The following ZNF114 variants were observed in gnomAD, a reference collection of about 807,000 sequenced individuals.
ZNF114 encodes the protein zinc finger protein 114 (Y18).
Under a neutral mutation model 6.8 loss-of-function variants are expected in ZNF114, and 8 were observed. The ratio of observed to expected loss-of-function variants is 1.18; its 90% CI spans 0.69 to 2.13. The LOEUF is 2.13. Ranked by LOEUF, ZNF114 falls within the 30% of genes most tolerant of loss-of-function variation. The pLI, the probability that ZNF114 is intolerant of heterozygous loss-of-function variation, is 0.00. For synonymous variants in ZNF114, 169 were observed against 185.5 expected, an observed-to-expected ratio of 0.91 and a Z score of 0.72; for missense variants, 472 against 519.5, an observed-to-expected ratio of 0.91 and a Z score of 0.89.
chr19:48,282,409 C>G lies in ZNF114; in HGVS notation c.48C>G (p.Thr16=). Residue 16 remains threonine, a synonymous_variant, in exon 5 of 6, where the codon ACC becomes ACG. Coordinates refer to ENST00000595607, the MANE Select transcript of ZNF114 (RefSeq NM_153608.4). ...TCGCAGACGTGGCTGTGAACTTCAC[C>G]AAAGAGGAGTGGACCCTGCTGGACC... ...VTFADVAVNF[T]KEEWTLLDPA... 4 of 1,613,438 alleles carry G rather than the reference C, an allele frequency of 2.5e-6. No homozygotes were observed. Among genetic ancestry groups the G allele is most frequent in the Non-Finnish European group, 3.4e-6 (4 of 1,179,694 alleles).
At chr19:48,285,651 A>G (rs1249356274) in intron 5 of ZNF114, 110 bp from the exon 6 acceptor site, 4 of 595,610 alleles carry the variant, frequency 6.7e-6, no homozygotes, top group Non-Finnish European at 7.2e-6. Flanking sequence ...AGGGAGGGAA[A>G]GAAAGAAAGA....
At chr19:48,272,851 T>A (rs1334979006) in intron 3 of ZNF114, among the ~76,000 whole-genome samples, 1 of 139,590 alleles carries the variant, frequency 7.2e-6, no homozygotes, top group Non-Finnish European at 1.5e-5. Flanking sequence ...GCTGGAGCGC[T>A]GTGGCGCGAT....
At chr19:48,282,310 G>T in intron 4 of ZNF114, 61 bp from the exon 5 acceptor site, 1 of 1,599,826 alleles carries the variant, frequency 6.3e-7, no homozygotes, top group Non-Finnish European at 8.5e-7. Context: ...TGGAGAAAGG[G>T]GTCACAGTTC....
intron 3 of ZNF114, among the ~76,000 whole-genome samples, chr19:48,273,570 G>T (rs1967736078): frequency 6.6e-6 from 1 of 151,876 alleles, no homozygotes; most frequent in South Asian, 2.1e-4. Flanking sequence ...TCTTAGGTAG[G>T]CTTACAGCTG....
At chr19:48,285,626 T>C in intron 5 of ZNF114, 135 bp from the exon 6 acceptor site, 1 of 953,214 alleles carries the variant, frequency 1.0e-6, no homozygotes, top group Non-Finnish European at 1.5e-6. Flanking sequence ...AAAGAAAGGA[T>C]GGAAGGAGCG....
Position 48,286,344 on chromosome 19 carries a change from C to T in ZNF114, c.720C>T (p.Asn240=), listed in dbSNP as rs144330817. Residue 240 remains asparagine (N), a synonymous_variant, in exon 6 of 6, where the codon AAC becomes AAT. Transcript: ENST00000595607. ...FREDGSLRAH[N]THGREKMYDF... is the part of the protein sequence containing the mutation. ...AAGACGGATCCCTTAGGGCACACAA[C>T]ACTCATGGTCGAGAGAAAATGTATG... 2 of 1,614,204 alleles carry T rather than the reference C, an allele frequency of 1.2e-6. No individual in the cohort carries two copies. The highest frequency in any genetic ancestry group is 2.7e-5 in the African/African-American group (2 of 75,040).
chr19:48,287,528 A>G lies in ZNF114; in HGVS notation c.*650A>G, dbSNP rs1968165572. On this transcript the variant is annotated 3_prime_UTR_variant, in exon 6 of 6. Transcript: ENST00000595607. ...AAAAAAAAGTAGGAAAGACCTCTTT[A>G]AACACTTACCACTCATGTTGCATGT... 1 of 151,884 alleles carries G rather than the reference A, an allele frequency of 6.6e-6. No homozygotes were observed. Among genetic ancestry groups the G allele is most frequent in the African/African-American group, 2.4e-5 (1 of 41,336 alleles). 9.4% of individuals were successfully genotyped at this position (151,884 alleles called of 1,614,324 possible).
Position 48,282,461 on chromosome 19 carries a change from G to A in ZNF114, c.100G>A (p.Val34Met), listed in dbSNP as rs762508022. The A allele has an allele frequency of 1.3e-5, 21 of 1,610,400 alleles. No individual in the cohort carries two copies. Among genetic ancestry groups the A allele is most frequent in the Middle Eastern group, 1.6e-4 (1 of 6,068 alleles). The change falls in exon 5 of 6, where the codon GTG (valine) becomes ATG (methionine). Residue 34 changes from valine to methionine, a missense_variant. By Grantham distance (21) the Val-to-Met change is conservative. Coordinates refer to ENST00000595607, the MANE Select transcript of ZNF114 (RefSeq NM_153608.4). ...AGCTCAGAGGAATCTCTACAGAGAC[G>A]TGATGCTGGAAAATTCTAGGAACTT... is the stretch of plus-strand genomic sequence containing the variant. Reference protein sequence around the residue: ...DPAQRNLYRDVMLENSRNLAF... With the variant: ...DPAQRNLYRDMMLENSRNLAF...
chr19:48,282,176 G>C, intron 4 of ZNF114, 195 bp from the exon 5 acceptor site: 1 of 550,196 alleles, frequency 1.8e-6, no homozygotes, highest in East Asian at 4.5e-5. Flanking sequence ...GGGATTACAG[G>C]TGTGAGCCAC....
intron 3 of ZNF114, among the ~76,000 whole-genome samples, chr19:48,275,648 A>G (rs182973546): frequency 1.3e-5 from 2 of 152,046 alleles, no homozygotes; most frequent in Admixed American, 1.3e-4. Context: ...TAAACAAAAT[A>G]AAAATGAAAG....
intron 3 of ZNF114, among the ~76,000 whole-genome samples, chr19:48,277,882 C>G (rs921446407): frequency 2.4e-4 from 34 of 144,226 alleles, no homozygotes; most frequent in African/African-American, 8.3e-4. Flanking sequence ...ACTTTTTCCT[C>G]TTACACTAAA....
chr19:48,284,465 C>G (rs1186029296), intron 5 of ZNF114, among the ~76,000 whole-genome samples: 1 of 151,966 alleles, frequency 6.6e-6, no homozygotes, highest in Non-Finnish European at 1.5e-5. Context: ...AACAGGCACT[C>G]TGTTGCCCAG....
At chr19:48,272,700 T>TAAAAAA (rs1555875993) in intron 3 of ZNF114, among the ~76,000 whole-genome samples, 2 of 79,370 alleles carry the variant, frequency 2.5e-5, no homozygotes, top group Non-Finnish European at 5.1e-5. Context: ...AAAAAAAAAG[T>TAAAAAA]ATTGGATTGG....
chr19:48,286,383 C>T lies in ZNF114; in HGVS notation c.759C>T (p.Cys253=), dbSNP rs764325220. Residue 253 remains cysteine, a synonymous_variant, in exon 6 of 6, where the codon TGC becomes TGT. Coordinates refer to ENST00000595607, the MANE Select transcript of ZNF114 (RefSeq NM_153608.4). ...AGAAAATGTATGATTTTACTCAGTG[C>T]GAGAACACCTCCAGAAATAACTCAA... The part of the protein sequence containing the change: ...GREKMYDFTQ[C]ENTSRNNSIH... 36 of 1,614,012 alleles carry T rather than the reference C, an allele frequency of 2.2e-5. No individual in the cohort carries two copies. The highest frequency in any genetic ancestry group is 2.6e-5 in the Non-Finnish European group (31 of 1,180,046).
intron 4 of ZNF114, among the ~76,000 whole-genome samples, chr19:48,281,046 G>A (rs941272773): frequency 6.6e-6 from 1 of 152,176 alleles, no homozygotes; most frequent in African/African-American, 2.4e-5. Flanking sequence ...GGGAGGCTGA[G>A]GTGGGAGGAT....
chr19:48,285,614 A>AGGAG lies in ZNF114; in HGVS notation c.137-146_137-145insGAGG, dbSNP rs952495395. ...AAGAAAGAAAGGAAGGAAGGAAGGAAGAAAGAAAGGATGGAAGGAGCGAGG... is the reference window on the plus strand; with the variant it reads ...AAGAAAGAAAGGAAGGAAGGAAGGAAGGAGGAAAGAAAGGATGGAAGGAGCGAGG... On this transcript the variant is annotated intron_variant, in intron 5 of 5. Coordinates refer to ENST00000595607, the MANE Select transcript of ZNF114 (RefSeq NM_153608.4). 1.3e-5 allele frequency: 11 copies of AGGAG among 876,976 alleles called. No individual in the cohort carries two copies. In the Admixed American group the frequency reaches 3.5e-4, roughly 28 times the overall value. 54.3% of individuals were successfully genotyped at this position (876,976 alleles called of 1,614,324 possible). A position where few individuals can be genotyped will look rare whatever the true frequency, so the allele number is the denominator to read the frequency against.
chr19:48,273,588 T>C (rs1967736574), intron 3 of ZNF114, among the ~76,000 whole-genome samples: 1 of 151,884 alleles, frequency 6.6e-6, no homozygotes, highest in Non-Finnish European at 1.5e-5. Context: ...CTGAGATGCG[T>C]GTAATGGGGT....
chr19:48,276,143 A>G (rs184128647), intron 3 of ZNF114, among the ~76,000 whole-genome samples: 1,880 of 134,674 alleles, frequency 0.014, 50 homozygotes, highest in African/African-American at 0.05. Flanking sequence ...GCAGTGGTGC[A>G]ATCTCGGCTC....
intron 3 of ZNF114, among the ~76,000 whole-genome samples, chr19:48,277,794 GGTGTGTGTGTGTGTGT>G (rs749201884): frequency 1.7e-5 from 2 of 119,338 alleles, no homozygotes; most frequent in Non-Finnish European, 3.4e-5. Context: ...GGAGGCATTG[GGTGTGTGTGTGTGTGT>G]GTGTGTGTGT....
Sources: gnomAD v4.1 joint callset for allele counts (sites outside exome capture counted in the v4.1 genomes callset) on GRCh38, gnomAD v4.1.1 for gene constraint, MANE v1.5 for transcripts, NCBI Gene and HGNC (gene_info 2026-07-23, HGNC 2026-07-21) for gene names.